The following SAFB2 variants were observed in gnomAD, a reference collection of about 807,000 sequenced individuals.
SAFB2 encodes the protein scaffold attachment factor B2.
A neutral mutation model predicts 100.6 loss-of-function variants in SAFB2; 32 were observed. The ratio of observed to expected loss-of-function variants is 0.32; its 90% CI spans 0.24 to 0.43. SAFB2 has a LOEUF of 0.43. Among genes scored for constraint, SAFB2 ranks in the 20% least tolerant of loss-of-function variants. SAFB2 has a pLI of 1.00. For synonymous variants in SAFB2, 500 were observed against 439.4 expected (o/e 1.14, Z -1.72); for missense variants, 1,185 against 1,163.4 (o/e 1.02, Z -0.27).
chr19:5,614,060 T>A (rs1024295756), intron 4 of SAFB2, among the ~76,000 whole-genome samples: 1 of 152,142 alleles, frequency 6.6e-6, no homozygotes, highest in African/African-American at 2.4e-5. Context: ...TTCAAGCAAT[T>A]CTCCTGCCTC....
chr19:5,614,975 C>T (rs767655439), intron 4 of SAFB2, among the ~76,000 whole-genome samples: 15 of 152,166 alleles, frequency 9.9e-5, no homozygotes, highest in South Asian at 2.1e-4. Flanking sequence ...CTTTGGGAGG[C>T]CGAGGCAGGC....
Position 5,622,550 on chromosome 19 carries a change from G to A in SAFB2, c.166C>T (p.Leu56=), listed in dbSNP as rs749604957. ...CTCACCTTCTTGAGCCGCTCCATCA[G>A]GACGCTCTTGTTGCCGCCCGTGTCC... The part of the protein sequence containing the change: ...NLDTGGNKSV[L]MERLKKAVKE... The change falls in exon 1 of 21, where the codon CTG becomes TTG. Residue 56 remains leucine (L), a synonymous_variant. Coordinates refer to ENST00000252542, the MANE Select transcript of SAFB2 (RefSeq NM_014649.3). 2.5e-6 allele frequency: 4 copies of A among 1,612,056 alleles called. No individual in the cohort carries two copies. The highest frequency in any genetic ancestry group is 1.3e-5 in the African/African-American group (1 of 74,852).
At position 5,587,185 on chromosome 19, in the gene SAFB2, C is replaced by G; in HGVS notation, c.*58G>C. ...AAAGATCCCCCAAGTTCGAGGGAACCCTGGCTACCAGATTCAACAGTGCGT... is the reference window on the plus strand; with the variant it reads ...AAAGATCCCCCAAGTTCGAGGGAACGCTGGCTACCAGATTCAACAGTGCGT... On this transcript the variant is annotated 3_prime_UTR_variant, in exon 21 of 21. Coordinates refer to ENST00000252542, the MANE Select transcript of SAFB2 (RefSeq NM_014649.3). The surrounding 1 kb of genome is among the most constrained non-coding windows in gnomAD (Gnocchi z 4.9). 1 of 1,586,462 alleles carries G rather than the reference C, an allele frequency of 6.3e-7. No homozygotes were observed. Among genetic ancestry groups the G allele is most frequent in the Non-Finnish European group, 8.6e-7 (1 of 1,159,448 alleles).
At chr19:5,595,812 A>C (rs772712824) in intron 13 of SAFB2, among the ~76,000 whole-genome samples, 1 of 152,108 alleles carries the variant, frequency 6.6e-6, no homozygotes, top group Non-Finnish European at 1.5e-5. Flanking sequence ...TCCAAAGCAA[A>C]CCTAGGCCTC....
intron 13 of SAFB2, among the ~76,000 whole-genome samples, chr19:5,596,259 T>C (rs975319940): frequency 1.3e-5 from 2 of 152,202 alleles, no homozygotes; most frequent in African/African-American, 4.8e-5. Context: ...CGGGACTCCG[T>C]CTCAAATAAA....
intron 9 of SAFB2, among the ~76,000 whole-genome samples, chr19:5,607,052 G>A (rs1431956592): frequency 6.6e-6 from 1 of 152,154 alleles, no homozygotes; most frequent in African/African-American, 2.4e-5. Flanking sequence ...ACGAGGTCAG[G>A]AGATCAAGAC....
chr19:5,621,270 C>T (rs745552191), intron 2 of SAFB2, 39 bp downstream of exon 2: 6 of 1,332,858 alleles, frequency 4.5e-6, no homozygotes, highest in South Asian at 1.2e-5. Flanking sequence ...TCTCTAAATT[C>T]TCTGAACACT....
At chr19:5,593,106 A>G (rs2052450315) in intron 15 of SAFB2, among the ~76,000 whole-genome samples, 2 of 152,200 alleles carry the variant, frequency 1.3e-5, no homozygotes, top group Middle Eastern at 3.2e-3. Context: ...TTCTCATCCA[A>G]CAGTCCCAAA....
rs764189416 is a variant in SAFB2 at position 5,600,225 on chromosome 19, T to G, written c.1595A>C (p.Lys532Thr). ...VIKKEEKIEK[K>T]EEKKPEDIKK... ...AATGTCTTCAGGCTTTTTTTCCTCC[T>G]TCTTCTCAATCTTCTCTTCCTTCTT... Residue 532 changes from lysine to threonine, a missense_variant, in exon 12 of 21, where the codon AAG becomes ACG. By Grantham distance (78) the Lys-to-Thr change is moderately conservative. Around this residue, in one of 3 missense-constraint regions of SAFB2, gnomAD observed 740 missense variants for 687.1 expected, o/e 1.08. Coordinates refer to ENST00000252542, the MANE Select transcript of SAFB2 (RefSeq NM_014649.3). The G allele has an allele frequency of 1.9e-6, 3 of 1,613,334 alleles. No individual in the cohort carries two copies. The highest frequency in any genetic ancestry group is 1.6e-4 in the Middle Eastern group (1 of 6,082).
At chr19:5,599,474 G>A (rs548386030) in intron 12 of SAFB2, among the ~76,000 whole-genome samples, 2 of 152,284 alleles carry the variant, frequency 1.3e-5, no homozygotes, top group East Asian at 1.9e-4. Context: ...TGAGACTCAG[G>A]GTAAATTAGC....
intron 9 of SAFB2, among the ~76,000 whole-genome samples, chr19:5,608,806 T>G (rs1173861925): frequency 6.6e-6 from 1 of 151,968 alleles, no homozygotes; most frequent in Non-Finnish European, 1.5e-5. Flanking sequence ...TCCCAGCATT[T>G]TGGGAGGCCA....
In SAFB2 at chr19:5,593,600, CG is replaced by C. The variant is rs372838446; in HGVS notation, c.2207+290del. 158 of 372,640 alleles carry C rather than the reference CG, an allele frequency of 4.2e-4. 1 individual carries two copies. In the East Asian group the frequency reaches 5.3e-3, roughly 12 times the overall value. 23.1% of individuals were successfully genotyped at this position (372,640 alleles called of 1,614,324 possible). A position where few individuals can be genotyped will look rare whatever the true frequency, so the allele number is the denominator to read the frequency against. ...CAAGACAGAGAACAGCTATGCTCCA[CG>C]GGTAAGTGGAGAGGAAAAGCATCAC... On this transcript the variant is annotated intron_variant, in intron 15 of 20. Coordinates refer to ENST00000252542, the MANE Select transcript of SAFB2 (RefSeq NM_014649.3).
In SAFB2 at chr19:5,611,470, C is replaced by T. The variant is rs200310696; in HGVS notation, c.795G>A (p.Pro265=). The change falls in exon 7 of 21, where the codon CCG becomes CCA. Residue 265 remains proline (P), a synonymous_variant. Coordinates refer to ENST00000252542, the MANE Select transcript of SAFB2 (RefSeq NM_014649.3). ...EEEDLFDSAH[P]EEGDLDLASE... ...TGGCCAAATCTAAATCACCCTCTTC[C>T]GGATGGGCGCTGTCAAATAGGTCCT... 64 of 397,550 alleles carry T rather than the reference C, an allele frequency of 1.6e-4. No homozygotes were observed. The African/African-American group carries it at 3.7e-3, about 23-fold the overall frequency. 24.6% of individuals were successfully genotyped at this position (397,550 alleles called of 1,614,324 possible).
At chr19:5,602,774 AC>A (rs1198683359) in intron 11 of SAFB2, among the ~76,000 whole-genome samples, 1 of 152,178 alleles carries the variant, frequency 6.6e-6, no homozygotes, top group Admixed American at 6.5e-5. Context: ...AATTAATGAA[AC>A]ACGCAAGATA....
chr19:5,593,063 A>C (rs1327484320), intron 15 of SAFB2, among the ~76,000 whole-genome samples, 176 bp from the exon 16 acceptor site: 1 of 152,068 alleles, frequency 6.6e-6, no homozygotes, highest in Non-Finnish European at 1.5e-5. Context: ...GATAAATTAA[A>C]ACCGCCATTA....
chr19:5,609,051 C>CAAAAA (rs60419324), intron 9 of SAFB2, among the ~76,000 whole-genome samples: 6 of 72,690 alleles, frequency 8.3e-5, no homozygotes, highest in South Asian at 5.7e-4. Flanking sequence ...GACGCAGTCT[C>CAAAAA]AAAAAAAAAA....
intron 2 of SAFB2, among the ~76,000 whole-genome samples, chr19:5,617,193 T>C (rs951999749): frequency 3.3e-5 from 5 of 152,170 alleles, no homozygotes; most frequent in South Asian, 2.1e-4. Context: ...AAATAACATA[T>C]TGAGTTAGTG....
chr19:5,620,098 T>C (rs2053110167), intron 2 of SAFB2, among the ~76,000 whole-genome samples: 1 of 152,216 alleles, frequency 6.6e-6, no homozygotes, highest in Non-Finnish European at 1.5e-5. Flanking sequence ...AGGCTGGGCC[T>C]TCTAGGTGAA....
chr19:5,593,745 G>A (rs1000950257), intron 15 of SAFB2, 146 bp downstream of exon 15: 3 of 834,348 alleles, frequency 3.6e-6, no homozygotes, highest in African/African-American at 1.8e-5. Context: ...CAGTGAGATC[G>A]GCGGGGGGTC....
Sources: gnomAD v4.1 joint callset for allele counts (sites outside exome capture counted in the v4.1 genomes callset) on GRCh38, gnomAD v4.1.1 for gene constraint, gnomAD v4.1.1 regional missense constraint, Gnocchi (gnomAD v3.1) non-coding constraint, MANE v1.5 for transcripts, NCBI Gene and HGNC (gene_info 2026-07-23, HGNC 2026-07-21) for gene names.